The following PARD3B variants were observed in gnomAD, a reference collection of about 807,000 sequenced individuals.
PARD3B encodes the protein par-3 family cell polarity regulator beta.
PARD3B carries 103 observed loss-of-function variants against 130.2 expected under a neutral mutation model. The ratio of observed to expected loss-of-function variants is 0.79; its 90% CI spans 0.67 to 0.93. The LOEUF is 0.93. PARD3B is among the 40% of genes least tolerant of loss of function. The pLI, the probability that PARD3B is intolerant of heterozygous loss-of-function variation, is 0.00. For missense variants in PARD3B, 1,609 were observed against 1,499.2 expected (o/e 1.07, Z -1.21); for synonymous variants, 583 against 553.2 (o/e 1.05, Z -0.76).
chr2:205,275,894 A>G (rs1318744631), intron 16 of PARD3B, among the ~76,000 whole-genome samples: 1 of 151,948 alleles, frequency 6.6e-6, no homozygotes, highest in Non-Finnish European at 1.5e-5. Flanking sequence ...GAGAGAAAAG[A>G]AATTTAGCAG....
intron 15 of PARD3B, among the ~76,000 whole-genome samples, chr2:205,194,507 A>G (rs1002090765): frequency 2.6e-5 from 4 of 152,202 alleles, no homozygotes; most frequent in East Asian, 3.8e-4. Flanking sequence ...TTATTTAAAG[A>G]GCAGTTCATT....
intron 21 of PARD3B, among the ~76,000 whole-genome samples, chr2:205,509,314 A>G (rs1159115918): frequency 6.6e-6 from 1 of 152,284 alleles, no homozygotes; most frequent in East Asian, 1.9e-4. Flanking sequence ...ATCCCAGAAC[A>G]ATAACCTTGA....
intron 2 of PARD3B, among the ~76,000 whole-genome samples, chr2:204,878,717 A>T (rs1282054271): frequency 6.6e-6 from 1 of 152,104 alleles, no homozygotes; most frequent in East Asian, 1.9e-4. Context: ...TATAAATTTA[A>T]TTTTTATTTC....
At chr2:204,959,567 A>AT (rs1690566554) in intron 2 of PARD3B, among the ~76,000 whole-genome samples, 1 of 152,202 alleles carries the variant, frequency 6.6e-6, no homozygotes, top group Non-Finnish European at 1.5e-5. Context: ...GTCTTCCACA[A>AT]TGGTAGAACT....
chr2:204,697,997 A>G (rs758190270), intron 2 of PARD3B, among the ~76,000 whole-genome samples: 5 of 152,128 alleles, frequency 3.3e-5, no homozygotes, highest in African/African-American at 7.2e-5. Context: ...GTTTAGATCC[A>G]TGGCTGCCAT....
Position 205,056,741 on chromosome 2 carries a change from C to T in PARD3B, c.504+9051C>T, listed in dbSNP as rs192400360. 3.3e-3 allele frequency among the ~76,000 whole-genome samples: 500 copies of T among 151,708 alleles called. 4 individuals are homozygous for T. Among genetic ancestry groups the T allele is most frequent in the African/African-American group, 0.011 (475 of 41,406 alleles). ...AAGAATGGTTAAGTAGCATTTGTTG[C>T]AAAAATCATAAAGGAATATCCTTTG... On this transcript the variant is annotated intron_variant, in intron 4 of 22. Transcript: ENST00000406610.
intron 19 of PARD3B, among the ~76,000 whole-genome samples, chr2:205,427,345 A>C (rs1265027563): frequency 6.6e-6 from 1 of 152,270 alleles, no homozygotes; most frequent in Non-Finnish European, 1.5e-5. Flanking sequence ...GCAATAGCAA[A>C]AAATCAGAAA....
At chr2:204,996,140 G>A (rs1694148884) in intron 3 of PARD3B, among the ~76,000 whole-genome samples, 1 of 90,800 alleles carries the variant, frequency 1.1e-5, no homozygotes, top group African/African-American at 4.8e-5. Context: ...GCGTTCCTTT[G>A]GAGGAGGAGA....
chr2:205,260,668 G>T (rs1167705154), intron 16 of PARD3B, among the ~76,000 whole-genome samples: 1 of 152,056 alleles, frequency 6.6e-6, no homozygotes, highest in Non-Finnish European at 1.5e-5. Flanking sequence ...TTAATTGATT[G>T]GGAGAAAATA....
intron 15 of PARD3B, among the ~76,000 whole-genome samples, chr2:205,203,388 T>C (rs200137722): frequency 6.6e-5 from 10 of 152,048 alleles, no homozygotes; most frequent in African/African-American, 2.2e-4. Flanking sequence ...CTTTTTTTTT[T>C]CACTTTTTAT....
intron 2 of PARD3B, among the ~76,000 whole-genome samples, chr2:204,882,221 C>G (rs2046082125): frequency 6.6e-6 from 1 of 152,128 alleles, no homozygotes. Context: ...AAAATCTGTA[C>G]CATTTCTCTG....
chr2:205,525,826 T>C lies in PARD3B; in HGVS notation c.3180+25795T>C, dbSNP rs1356113562. Among the ~76,000 whole-genome samples the C allele has an allele frequency of 1.3e-5, 2 of 152,324 alleles. No individual in the cohort carries two copies. The highest frequency in any genetic ancestry group is 3.9e-4 in the East Asian group (2 of 5,172). On this transcript the variant is annotated intron_variant, in intron 21 of 22. Coordinates refer to ENST00000406610, the MANE Select transcript of PARD3B (RefSeq NM_001302769.2). This position sits in a 1 kb window ranked among gnomAD's most constrained non-coding sequence, Gnocchi z 4.2. ...TCCAGCCCCTTCGCTACAGCAGATATGATTACTTGGATTCTGCCTATGGGT... is the reference window on the plus strand; with the variant it reads ...TCCAGCCCCTTCGCTACAGCAGATACGATTACTTGGATTCTGCCTATGGGT...
At chr2:205,611,743 G>T (rs2055237955) in intron 22 of PARD3B, among the ~76,000 whole-genome samples, 1 of 152,000 alleles carries the variant, frequency 6.6e-6, no homozygotes, top group Non-Finnish European at 1.5e-5. Flanking sequence ...AACAAATATG[G>T]GCTTGTTTCT....
rs1001882435 is a variant in PARD3B, at chr2:205,229,507, A to G, written c.2141-16271A>G. On this transcript the variant is annotated intron_variant, in intron 15 of 22. Transcript: ENST00000406610. The surrounding 1 kb of genome is among the most constrained non-coding windows in gnomAD (Gnocchi z 5.2). ...TCTTCCCTTATTTTCCCCCAAACAC[A>G]TAAAGCCTCTCTCTGTGTGCTGAGC... Among the ~76,000 whole-genome samples, 6 of 152,122 alleles carry G rather than the reference A, an allele frequency of 3.9e-5. No individual in the cohort carries two copies. The highest frequency in any genetic ancestry group is 6.5e-5 in the Admixed American group (1 of 15,280).
Position 204,545,864 on chromosome 2 carries a change from G to A in PARD3B, c.-136G>A. On this transcript the variant is annotated 5_prime_UTR_variant, in exon 1 of 23. Coordinates refer to ENST00000406610, the MANE Select transcript of PARD3B (RefSeq NM_001302769.2). ...GAAGGGGCGCTGCCGCGAGCCTCCG[G>A]GCCTCAGGGTGTTCCGGGGAGCGGC... 5 of 979,054 alleles carry A rather than the reference G, an allele frequency of 5.1e-6. No individual in the cohort carries two copies. Among genetic ancestry groups the A allele is most frequent in the Non-Finnish European group, 7.0e-6 (5 of 716,644 alleles). The allele number at this position is 979,054 out of a possible 1,614,324, so 60.6% of individuals were successfully genotyped here. A position where few individuals can be genotyped will look rare whatever the true frequency, so the allele number is the denominator to read the frequency against.
At chr2:204,559,704 T>C (rs1037166907) in intron 1 of PARD3B, among the ~76,000 whole-genome samples, 1 of 152,206 alleles carries the variant, frequency 6.6e-6, no homozygotes, top group Non-Finnish European at 1.5e-5. Flanking sequence ...ACCCAAAGGA[T>C]TATAAATCAT....
intron 15 of PARD3B, among the ~76,000 whole-genome samples, chr2:205,197,919 G>C (rs762049232): frequency 1.3e-5 from 2 of 152,194 alleles, no homozygotes; most frequent in Admixed American, 6.5e-5. Flanking sequence ...CTTTGGCATA[G>C]GGTTTTCCCC....
At chr2:205,036,275 A>G (rs1363181540) in intron 3 of PARD3B, among the ~76,000 whole-genome samples, 1 of 147,070 alleles carries the variant, frequency 6.8e-6, no homozygotes, top group African/African-American at 2.5e-5. Flanking sequence ...ATATATATAA[A>G]TATATGTATA....
chr2:205,173,615 G>A (rs2035300708), intron 12 of PARD3B, among the ~76,000 whole-genome samples: 1 of 152,126 alleles, frequency 6.6e-6, no homozygotes, highest in Non-Finnish European at 1.5e-5. Context: ...CGGGCAAGGA[G>A]TAGCTATACC....
Sources: gnomAD v4.1 joint callset for allele counts (sites outside exome capture counted in the v4.1 genomes callset) on GRCh38, gnomAD v4.1.1 for gene constraint, Gnocchi (gnomAD v3.1) non-coding constraint, MANE v1.5 for transcripts, NCBI Gene and HGNC (gene_info 2026-07-23, HGNC 2026-07-21) for gene names.